Variants in ZRANB3 observed in about 807,000 individuals in gnomAD.
ZRANB3 encodes DNA annealing helicase and endonuclease ZRANB3.
In ZRANB3, 125 loss-of-function variants were observed where a neutral mutation model predicts 133.8. The ratio of observed to expected loss-of-function variants is 0.93; its 90% CI spans 0.81 to 1.08. ZRANB3 has a LOEUF of 1.08. Ranked by LOEUF, ZRANB3 falls within the 50% of genes least tolerant of loss-of-function variation. The probability of loss-of-function intolerance (pLI) is 0.00; values close to 1 mark genes in which losing one functional copy is unlikely to be tolerated. For missense variants in ZRANB3, 1,229 were observed against 1,275.5 expected (o/e 0.96, Z 0.56); for synonymous variants, 387 against 432.7 (o/e 0.89, Z 1.31).
intron 6 of ZRANB3, among the ~76,000 whole-genome samples, chr2:135,340,653 G>A (rs923776426): frequency 6.6e-6 from 1 of 152,000 alleles, no homozygotes; most frequent in Non-Finnish European, 1.5e-5. Flanking sequence ...AGACCAGCCT[G>A]GCCAACATGG....
At chr2:135,412,541 A>G (rs1240957259) in intron 2 of ZRANB3, among the ~76,000 whole-genome samples, 10 of 152,122 alleles carry the variant, frequency 6.6e-5, no homozygotes, top group Admixed American at 6.6e-4. Flanking sequence ...TTATTATCTA[A>G]TTAAGCCCTA....
chr2:135,349,985 T>C lies in ZRANB3; in HGVS notation c.590A>G (p.Glu197Gly). 1 of 1,612,880 alleles carries C rather than the reference T, an allele frequency of 6.2e-7. No individual in the cohort carries two copies. Among genetic ancestry groups the C allele is most frequent in the East Asian group, 2.2e-5 (1 of 44,864 alleles). ...TGTPALGRPE[E>G]LFMQIEALFP... ...TTCGAAGTATAAGGATTGTAATACCTCTTCAGGCCTTCCTAAAGCTGGTGT... is the reference window on the plus strand; with the variant it reads ...TTCGAAGTATAAGGATTGTAATACCCCTTCAGGCCTTCCTAAAGCTGGTGT... Residue 197 changes from glutamate to glycine, a missense_variant and splice_region_variant, in exon 5 of 21, where the codon GAG becomes GGG. Transcript: ENST00000264159.
chr2:135,384,251 G>T (rs1004787747), intron 3 of ZRANB3, among the ~76,000 whole-genome samples: 6 of 152,110 alleles, frequency 3.9e-5, no homozygotes, highest in Admixed American at 6.5e-5. Flanking sequence ...TAGAAGAAAT[G>T]GATAAATTCC....
chr2:135,373,929 T>G (rs770171922), intron 3 of ZRANB3, among the ~76,000 whole-genome samples: 1 of 151,582 alleles, frequency 6.6e-6, no homozygotes, highest in Non-Finnish European at 1.5e-5. Context: ...ATGCTTTACA[T>G]AAGCAATCCA....
At chr2:135,272,958 T>G (rs1365629778) in intron 9 of ZRANB3, among the ~76,000 whole-genome samples, 7 of 151,828 alleles carry the variant, frequency 4.6e-5, no homozygotes, top group Admixed American at 1.3e-4. Flanking sequence ...CCGAGGAGGA[T>G]GGATCACGAG....
At chr2:135,411,657 T>C (rs1452316754) in intron 2 of ZRANB3, among the ~76,000 whole-genome samples, 1 of 152,082 alleles carries the variant, frequency 6.6e-6, no homozygotes, top group Non-Finnish European at 1.5e-5. Flanking sequence ...GTTACTGAAA[T>C]TAAAATAACT....
chr2:135,308,936 C>T (rs1558905683), intron 8 of ZRANB3, among the ~76,000 whole-genome samples: 1 of 151,948 alleles, frequency 6.6e-6, no homozygotes, highest in Non-Finnish European at 1.5e-5. Flanking sequence ...AAGGAAGTTT[C>T]CTCTACATAA....
intron 13 of ZRANB3, among the ~76,000 whole-genome samples, chr2:135,230,027 T>C (rs778817863): frequency 3.3e-5 from 5 of 152,314 alleles, no homozygotes; most frequent in South Asian, 2.1e-4. Context: ...TAGAGGAGTT[T>C]TGATGCTTTG....
chr2:135,222,928 C>T (rs1432551801), intron 15 of ZRANB3, among the ~76,000 whole-genome samples: 1 of 151,418 alleles, frequency 6.6e-6, no homozygotes, highest in Non-Finnish European at 1.5e-5. Flanking sequence ...CTGGGCAACA[C>T]AGCAAGACCC....
At chr2:135,391,326 A>G (rs1687222306) in intron 2 of ZRANB3, among the ~76,000 whole-genome samples, 1 of 152,168 alleles carries the variant, frequency 6.6e-6, no homozygotes, top group South Asian at 2.1e-4. Flanking sequence ...TGGGAGTGTT[A>G]GAGCTTCAGA....
chr2:135,527,426 G>A (rs574317224), intron 1 of ZRANB3, among the ~76,000 whole-genome samples: 136 of 152,144 alleles, frequency 8.9e-4, no homozygotes, highest in South Asian at 1.0e-3. Context: ...AGGCATGATG[G>A]TGCATGCCTA....
At chr2:135,510,480 G>A in intron 1 of ZRANB3, 1 of 538,672 alleles carries the variant, frequency 1.9e-6, no homozygotes, top group Non-Finnish European at 3.4e-6. Context: ...ACCAAAGGCT[G>A]GTCAAAGAAA....
At chr2:135,319,113 A>C (rs1417811652) in intron 6 of ZRANB3, among the ~76,000 whole-genome samples, 4 of 152,238 alleles carry the variant, frequency 2.6e-5, no homozygotes, top group Non-Finnish European at 5.9e-5. Flanking sequence ...GACTGACAGA[A>C]TTGGCCAGTA....
intron 14 of ZRANB3, among the ~76,000 whole-genome samples, chr2:135,225,501 C>A (rs553481463): frequency 8.1e-4 from 123 of 152,302 alleles, no homozygotes; most frequent in African/African-American, 2.7e-3. Context: ...TGTCTTACAG[C>A]CAATAACAAC....
intron 15 of ZRANB3, 139 bp from the exon 16 acceptor site, chr2:135,219,317 G>A (rs1044197070): frequency 8.5e-6 from 5 of 589,328 alleles, no homozygotes; most frequent in African/African-American, 7.9e-5. Flanking sequence ...TCTAGACAAG[G>A]GTCCACCAAA....
intron 2 of ZRANB3, among the ~76,000 whole-genome samples, chr2:135,451,490 A>T (rs1690264722): frequency 6.6e-6 from 1 of 151,962 alleles, no homozygotes. Context: ...TAAACCTGGG[A>T]GGCGGAGGTT....
At chr2:135,398,816 C>T (rs1057471601) in intron 2 of ZRANB3, among the ~76,000 whole-genome samples, 1 of 152,154 alleles carries the variant, frequency 6.6e-6, no homozygotes, top group African/African-American at 2.4e-5. Flanking sequence ...AGCCACTGCA[C>T]CCAGCATTTT....
At chr2:135,272,619 T>C (rs1199825505) in intron 9 of ZRANB3, among the ~76,000 whole-genome samples, 3 of 151,710 alleles carry the variant, frequency 2.0e-5, no homozygotes, top group Admixed American at 2.0e-4. Context: ...TTCACAGTGT[T>C]AGCCAGGATG....
intron 12 of ZRANB3, among the ~76,000 whole-genome samples, chr2:135,254,436 CAT>C (rs1679549368): frequency 6.7e-6 from 1 of 149,948 alleles, no homozygotes; most frequent in Non-Finnish European, 1.5e-5. Flanking sequence ...CAAAATTTAG[CAT>C]ATAGTCTTTT....
Sources: gnomAD v4.1 joint callset for allele counts (sites outside exome capture counted in the v4.1 genomes callset) on GRCh38, gnomAD v4.1.1 for gene constraint, MANE v1.5 for transcripts, NCBI Gene and HGNC (gene_info 2026-07-23, HGNC 2026-07-21) for gene names.